Variants in PEAK1 observed in about 807,000 individuals in gnomAD.
PEAK1 encodes the protein inactive tyrosine-protein kinase PEAK1.
PEAK1 carries 54 observed loss-of-function variants against 124.7 expected under a neutral mutation model. The ratio of observed to expected loss-of-function variants is 0.43; its 90% CI spans 0.35 to 0.54. The LOEUF (loss-of-function observed/expected upper bound fraction) is 0.54, where lower values mean the gene tolerates loss of function less well. PEAK1 is among the 20% of genes least tolerant of loss of function. The pLI, the probability that PEAK1 is intolerant of heterozygous loss-of-function variation, is 0.01. For missense variants in PEAK1, 2,046 were observed against 2,134.5 expected (o/e 0.96, Z 0.82); for synonymous variants, 719 against 760.0 (o/e 0.95, Z 0.89).
chr15:77,268,631 G>A (rs1311335228), intron 5 of PEAK1, among the ~76,000 whole-genome samples: 1 of 152,028 alleles, frequency 6.6e-6, no homozygotes, highest in African/African-American at 2.4e-5. Context: ...CCTTGCTAGG[G>A]ATCTAGACAT....
At chr15:77,326,163 C>A (rs2065563850) in intron 2 of PEAK1, among the ~76,000 whole-genome samples, 1 of 151,994 alleles carries the variant, frequency 6.6e-6, no homozygotes, top group African/African-American at 2.4e-5. Context: ...CAATTAACTT[C>A]CCCCTCCTGC....
intron 7 of PEAK1, among the ~76,000 whole-genome samples, chr15:77,161,318 G>A (rs971359762): frequency 1.8e-4 from 27 of 152,164 alleles, no homozygotes; most frequent in African/African-American, 6.5e-4. Flanking sequence ...TTACTGGTTT[G>A]GTCTGGGAAA....
intron 9 of PEAK1, among the ~76,000 whole-genome samples, chr15:77,116,267 A>G (rs1261414888): frequency 6.6e-6 from 1 of 152,216 alleles, no homozygotes; most frequent in East Asian, 1.9e-4. Flanking sequence ...TTCATGGATC[A>G]TAATAGTCTG....
intron 6 of PEAK1, among the ~76,000 whole-genome samples, chr15:77,244,595 CTT>C (rs752772715): frequency 1.4e-5 from 2 of 144,894 alleles, no homozygotes; most frequent in Non-Finnish European, 1.5e-5. Context: ...TTTTCTTTTT[CTT>C]TTTTTTTTTG....
Position 77,133,652 on chromosome 15 carries a change from C to T in PEAK1, c.3430G>A (p.Ala1144Thr). 8 of 1,614,076 alleles carry T rather than the reference C, an allele frequency of 5.0e-6. No individual in the cohort carries two copies. Among genetic ancestry groups the T allele is most frequent in the Non-Finnish European group, 6.8e-6 (8 of 1,180,008 alleles). Reference protein sequence around the residue: ...IAFGGKTDQEAPNASQPTPPP... With the variant: ...IAFGGKTDQETPNASQPTPPP... The stretch of plus-strand genomic sequence containing the variant: ...GGTGTAGGTTGGGAAGCATTGGGTG[C>T]TTCTTGGTCTGTTTTCCCTCCAAAG... Residue 1144 changes from alanine (A) to threonine (T), a missense_variant, in exon 9 of 10, where the codon GCA becomes ACA. Physicochemically the swap from Ala to Thr is moderately conservative, Grantham distance 58. Coordinates refer to ENST00000682557, the MANE Select transcript of PEAK1 (RefSeq NM_001385026.1). The surrounding 1 kb of genome is among the most constrained non-coding windows in gnomAD (Gnocchi z 4.2).
chr15:77,167,958 A>G (rs557669411), intron 7 of PEAK1, among the ~76,000 whole-genome samples: 26 of 152,126 alleles, frequency 1.7e-4, no homozygotes, highest in Admixed American at 1.3e-3. Context: ...TCATTGTTCA[A>G]TTCCCACTTA....
intron 6 of PEAK1, among the ~76,000 whole-genome samples, chr15:77,233,826 C>A (rs2060004700): frequency 6.6e-6 from 1 of 152,178 alleles, no homozygotes; most frequent in African/African-American, 2.4e-5. Context: ...TTTCTGAAAA[C>A]TACCCATTAT....
intron 6 of PEAK1, among the ~76,000 whole-genome samples, chr15:77,237,707 T>C (rs2060185754): frequency 6.6e-6 from 1 of 152,174 alleles, no homozygotes; most frequent in Non-Finnish European, 1.5e-5. Flanking sequence ...TCTTGGTTTT[T>C]ATCACATTAA....
rs1371239529 is a variant in PEAK1, at chr15:77,133,362, AGTG to A, written c.3717_3719del (p.Thr1240del). The A allele has an allele frequency of 6.2e-7, 1 of 1,614,166 alleles. No individual in the cohort carries two copies. The highest frequency in any genetic ancestry group is 8.5e-7 in the Non-Finnish European group (1 of 1,180,022). On this transcript the variant is annotated inframe_deletion, in exon 9 of 10. Coordinates refer to ENST00000682557, the MANE Select transcript of PEAK1 (RefSeq NM_001385026.1). The surrounding 1 kb of genome is among the most constrained non-coding windows in gnomAD (Gnocchi z 4.2). ...TGGAAAATCTATCCTTAATACTGAG[AGTG>A]GTTAAGCTGGAAATGCTGTTTGCTG...
chr15:77,332,553 T>C (rs1485535914), intron 2 of PEAK1, among the ~76,000 whole-genome samples: 1 of 151,828 alleles, frequency 6.6e-6, no homozygotes, highest in Non-Finnish European at 1.5e-5. Context: ...TGAGCCAAGA[T>C]TGCACCACTG....
At chr15:77,345,952 C>A in intron 2 of PEAK1, 2 of 985,194 alleles carry the variant, frequency 2.0e-6, no homozygotes, top group Non-Finnish European at 2.4e-6. Context: ...ATAGCAATGG[C>A]AAAGGTCTAT....
intron 1 of PEAK1, among the ~76,000 whole-genome samples, chr15:77,383,902 T>C (rs2069697036): frequency 6.6e-6 from 1 of 152,176 alleles, no homozygotes; most frequent in Non-Finnish European, 1.5e-5. Context: ...TCTCTCTAGC[T>C]CTAAAAATCA....
intron 2 of PEAK1, chr15:77,335,161 G>C: frequency 1.0e-6 from 1 of 985,442 alleles, no homozygotes; most frequent in Non-Finnish European, 1.2e-6. Context: ...GTGCTTTGTA[G>C]GAACATGCAT....
At chr15:77,221,663 G>A (rs2059397394) in intron 6 of PEAK1, among the ~76,000 whole-genome samples, 1 of 151,982 alleles carries the variant, frequency 6.6e-6, no homozygotes, top group South Asian at 2.1e-4. Flanking sequence ...AACATTTTAG[G>A]CACACTATAA....
intron 2 of PEAK1, among the ~76,000 whole-genome samples, chr15:77,287,280 G>T (rs1214365356): frequency 1.3e-5 from 2 of 152,180 alleles, no homozygotes; most frequent in African/African-American, 4.8e-5. Context: ...AGACTTCATG[G>T]TGCCTAGCAC....
chr15:77,226,044 G>GATATATATAATATAATATATAT (rs57675196), intron 6 of PEAK1, among the ~76,000 whole-genome samples: 1 of 44,998 alleles, frequency 2.2e-5, no homozygotes, highest in Non-Finnish European at 4.8e-5. Flanking sequence ...AAAATAAAGG[G>GATATATATAATATAATATATAT]ATATATATAT....
At chr15:77,207,547 A>G (rs2058719628) in intron 6 of PEAK1, among the ~76,000 whole-genome samples, 2 of 152,258 alleles carry the variant, frequency 1.3e-5, no homozygotes, top group Non-Finnish European at 2.9e-5. Flanking sequence ...AATGCACATT[A>G]TTAAGTGAAA....
intron 2 of PEAK1, chr15:77,334,417 T>C: frequency 1.0e-6 from 1 of 985,318 alleles, no homozygotes; most frequent in East Asian, 1.1e-4. Flanking sequence ...GTCTCCCATC[T>C]TGCCAGGCTT....
intron 6 of PEAK1, among the ~76,000 whole-genome samples, chr15:77,220,700 G>T (rs1485628866): frequency 1.3e-5 from 2 of 151,902 alleles, no homozygotes; most frequent in Admixed American, 6.6e-5. Flanking sequence ...GAATTTAAAG[G>T]AAGGCAATGA....
Sources: allele counts gnomAD v4.1 joint callset (sites outside exome capture counted in the v4.1 genomes callset), GRCh38; gene constraint gnomAD v4.1.1; non-coding constraint Gnocchi (gnomAD v3.1); transcripts MANE v1.5; gene names NCBI Gene and HGNC (gene_info 2026-07-23, HGNC 2026-07-21).